PRR5L: variants seen among roughly 807,000 people sequenced by gnomAD.
PRR5L encodes proline-rich protein 5-like.
A neutral mutation model predicts 36.4 loss-of-function variants in PRR5L; 21 were observed. The observed-to-expected ratio is 0.58, with a 90% CI of 0.41 to 0.83. The LOEUF (loss-of-function observed/expected upper bound fraction) is 0.83. PRR5L is among the 40% of genes least tolerant of loss of function. The pLI, the probability that PRR5L is intolerant of heterozygous loss-of-function variation, is 0.00. For missense variants in PRR5L, 381 were observed against 473.3 expected (o/e 0.80, Z 1.81); for synonymous variants, 188 against 197.0 (o/e 0.95, Z 0.38).
intron 6 of PRR5L, among the ~76,000 whole-genome samples, chr11:36,438,563 G>T (rs1010030794): frequency 2.6e-5 from 4 of 152,154 alleles, no homozygotes; most frequent in Non-Finnish European, 5.9e-5. Context: ...CCTGTAGCCT[G>T]CAGAAACCTT....
intron 6 of PRR5L, among the ~76,000 whole-genome samples, chr11:36,437,685 A>T (rs372866541): frequency 6.6e-6 from 1 of 152,208 alleles, no homozygotes; most frequent in Non-Finnish European, 1.5e-5. Context: ...ATAACTAGCA[A>T]TTTGTAGGCT....
chr11:36,317,487 C>T (rs926421097), intron 1 of PRR5L, among the ~76,000 whole-genome samples: 9 of 152,208 alleles, frequency 5.9e-5, no homozygotes, highest in African/African-American at 2.2e-4. Context: ...AAGGAAGGTT[C>T]AAGGTCTTTT....
intron 3 of PRR5L, among the ~76,000 whole-genome samples, chr11:36,411,800 T>G (rs976316349): frequency 2.0e-5 from 3 of 152,216 alleles, no homozygotes; most frequent in African/African-American, 7.2e-5. Context: ...AGTCTGGCCC[T>G]ACCTAACATA....
intron 1 of PRR5L, among the ~76,000 whole-genome samples, chr11:36,369,074 G>A (rs1053044582): frequency 3.3e-5 from 5 of 152,146 alleles, no homozygotes; most frequent in Non-Finnish European, 7.4e-5. Context: ...AGGAGGTTTG[G>A]GAATGAGGAA....
At chr11:36,360,959 G>A (rs1390841715) in intron 1 of PRR5L, among the ~76,000 whole-genome samples, 4 of 152,166 alleles carry the variant, frequency 2.6e-5, no homozygotes, top group Admixed American at 2.0e-4. Context: ...GTGAAGTCAC[G>A]CAGGGCCCCA....
intron 1 of PRR5L, among the ~76,000 whole-genome samples, chr11:36,311,254 C>T (rs1445388633): frequency 6.6e-6 from 1 of 152,116 alleles, no homozygotes; most frequent in African/African-American, 2.4e-5. Context: ...TTAGTAAAAA[C>T]CTTAAAGAGG....
intron 1 of PRR5L, among the ~76,000 whole-genome samples, chr11:36,390,646 T>C (rs1292696565): frequency 6.6e-6 from 1 of 152,192 alleles, no homozygotes; most frequent in Non-Finnish European, 1.5e-5. Flanking sequence ...GGTGCTTTCA[T>C]GTAGTTTTGA....
At chr11:36,369,525 C>T (rs1466481360) in intron 1 of PRR5L, among the ~76,000 whole-genome samples, 2 of 152,074 alleles carry the variant, frequency 1.3e-5, no homozygotes, top group Non-Finnish European at 2.9e-5. Context: ...TCAGATGCCC[C>T]CCAAAGGCAT....
intron 7 of PRR5L, among the ~76,000 whole-genome samples, chr11:36,450,111 G>A (rs995121075): frequency 1.3e-5 from 2 of 152,060 alleles, no homozygotes; most frequent in African/African-American, 4.8e-5. Flanking sequence ...CCATAAAGGG[G>A]CCAAGGAAGA....
At chr11:36,341,699 G>C (rs537528643) in intron 1 of PRR5L, among the ~76,000 whole-genome samples, 5 of 152,276 alleles carry the variant, frequency 3.3e-5, no homozygotes, top group African/African-American at 1.2e-4. Flanking sequence ...TGTTGTAAGG[G>C]TTATATCAGA....
At chr11:36,321,790 A>C (rs1051803591) in intron 1 of PRR5L, among the ~76,000 whole-genome samples, 1 of 152,170 alleles carries the variant, frequency 6.6e-6, no homozygotes, top group Non-Finnish European at 1.5e-5. Context: ...GATGAAGTGC[A>C]AGATCAAGGT....
intron 1 of PRR5L, among the ~76,000 whole-genome samples, chr11:36,302,084 C>A (rs1240876295): frequency 6.6e-6 from 1 of 152,166 alleles, no homozygotes; most frequent in East Asian, 1.9e-4. Context: ...GTGCTTTTGG[C>A]TTTTCTGTGT....
chr11:36,355,348 C>T (rs188391773), intron 1 of PRR5L, among the ~76,000 whole-genome samples: 2 of 152,286 alleles, frequency 1.3e-5, no homozygotes, highest in East Asian at 1.9e-4. Flanking sequence ...CTCACATTTA[C>T]TGAGAATGCA....
chr11:36,363,420 G>A (rs1201409577), intron 1 of PRR5L, among the ~76,000 whole-genome samples: 1 of 152,228 alleles, frequency 6.6e-6, no homozygotes, highest in African/African-American at 2.4e-5. Flanking sequence ...ACTGTACTAA[G>A]CAGAATTCAC....
At chr11:36,403,250 C>CCCAAGAAGGGAGATT (rs1411361027) in intron 2 of PRR5L, 48 bp from the exon 3 acceptor site, 1 of 1,549,564 alleles carries the variant, frequency 6.5e-7, no homozygotes, top group Non-Finnish European at 8.9e-7. Context: ...ATTGAAATGG[C>CCCAAGAAGGGAGATT]CCAAGAAGGG....
At chr11:36,327,287 T>C (rs1392328615) in intron 1 of PRR5L, among the ~76,000 whole-genome samples, 4 of 152,178 alleles carry the variant, frequency 2.6e-5, no homozygotes, top group Non-Finnish European at 5.9e-5. Flanking sequence ...CATGCCATGA[T>C]GGGAATCGGG....
At chr11:36,351,786 T>A (rs200967602) in intron 1 of PRR5L, among the ~76,000 whole-genome samples, 31,200 of 128,400 alleles carry the variant, frequency 0.24, 6,200 homozygotes, top group Non-Finnish European at 0.34. Context: ...TTTATATATT[T>A]TTTTTATATA....
chr11:36,335,459 G>T (rs1856760225), intron 1 of PRR5L, among the ~76,000 whole-genome samples: 1 of 151,968 alleles, frequency 6.6e-6, no homozygotes, highest in African/African-American at 2.4e-5. Context: ...TAAAGTTTGT[G>T]GAAATGAAAG....
intron 1 of PRR5L, among the ~76,000 whole-genome samples, chr11:36,345,895 A>G (rs1176480419): frequency 6.6e-6 from 1 of 152,220 alleles, no homozygotes; most frequent in Non-Finnish European, 1.5e-5. Context: ...TCCTAAAAGT[A>G]TAATTCCTTT....
Sources: allele counts gnomAD v4.1 joint callset (sites outside exome capture counted in the v4.1 genomes callset), GRCh38; gene constraint gnomAD v4.1.1; transcripts MANE v1.5; gene names NCBI Gene and HGNC (gene_info 2026-07-23, HGNC 2026-07-21).